Variants in CHODL observed in about 807,000 individuals in gnomAD.
The protein encoded by CHODL is chondrolectin.
In CHODL, 29 loss-of-function variants were observed where a neutral mutation model predicts 34.5. The ratio of observed to expected loss-of-function variants is 0.84; its 90% CI spans 0.63 to 1.15. The LOEUF (loss-of-function observed/expected upper bound fraction) is 1.15. Among genes scored for constraint, CHODL ranks in the 50% most tolerant of loss-of-function variants. The pLI is 0.00. For synonymous variants in CHODL, 125 were observed against 116.1 expected (o/e 1.08, Z -0.49); for missense variants, 332 against 332.5 (o/e 1.00, Z 0.01).
At chr21:18,178,131 T>C (rs1601109985) in intron 2 of CHODL, among the ~76,000 whole-genome samples, 1 of 152,268 alleles carries the variant, frequency 6.6e-6, no homozygotes, top group East Asian at 1.9e-4. Context: ...ACTTTTACAA[T>C]ATAATTTTCT....
chr21:18,046,151 G>A (rs1208018934), intron 2 of CHODL, among the ~76,000 whole-genome samples: 7 of 151,936 alleles, frequency 4.6e-5, no homozygotes, highest in African/African-American at 1.7e-4. Flanking sequence ...GAAGGTGGAG[G>A]AGACCGAGAG....
rs76918894 is a variant in CHODL at position 18,148,109 on chromosome 21, A to G, written c.-44-108400A>G. On this transcript the variant is annotated intron_variant, in intron 2 of 6. Coordinates refer to the CHODL transcript ENST00000400127. ...TCACATCTATTATCACAGGATGATA[A>G]TAGCAATGATTTGTGTGAACTTCAA... 2.8e-3 allele frequency among the ~76,000 whole-genome samples: 422 copies of G among 152,330 alleles called. 4 individuals carry two copies. In the East Asian group the frequency reaches 0.048, roughly 17 times the overall value.
intron 2 of CHODL, among the ~76,000 whole-genome samples, chr21:18,220,607 C>A (rs2073873252): frequency 6.6e-6 from 1 of 151,808 alleles, no homozygotes; most frequent in South Asian, 2.1e-4. Context: ...GTCATGAATT[C>A]TCATAATTTT....
At chr21:18,146,134 A>ATT (rs574946951) in intron 2 of CHODL, among the ~76,000 whole-genome samples, 8,960 of 139,436 alleles carry the variant, frequency 0.064, 527 homozygotes, top group African/African-American at 0.16. Flanking sequence ...CGCCCGGTTA[A>ATT]TTTTTTTTTT....
At chr21:18,053,260 T>A (rs2064538799) in intron 2 of CHODL, among the ~76,000 whole-genome samples, 1 of 151,862 alleles carries the variant, frequency 6.6e-6, no homozygotes, top group Non-Finnish European at 1.5e-5. Flanking sequence ...ATTTGGCAAA[T>A]AAATATTTTT....
intron 2 of CHODL, among the ~76,000 whole-genome samples, chr21:18,033,942 A>G (rs1019399779): frequency 3.9e-5 from 6 of 151,966 alleles, no homozygotes; most frequent in Non-Finnish European, 7.4e-5. Context: ...AAAAGAAAAA[A>G]CCTTATAACA....
At chr21:18,162,142 G>T (rs1212980276) in intron 2 of CHODL, among the ~76,000 whole-genome samples, 1 of 152,150 alleles carries the variant, frequency 6.6e-6, no homozygotes, top group Non-Finnish European at 1.5e-5. Context: ...GCCATGAAAT[G>T]ATTTTGCCTG....
Position 18,260,293 on chromosome 21 carries a change from A to G in CHODL, c.634+7A>G, listed in dbSNP as rs1025972103. 1 of 1,544,524 alleles carries G rather than the reference A, an allele frequency of 6.5e-7. No individual in the cohort carries two copies. Among genetic ancestry groups the G allele is most frequent in the African/African-American group, 1.4e-5 (1 of 72,132 alleles). Reference sequence around the variant, plus strand: ...GTGGTTGTTACTGAAGCAGGTAATTACTTCATGTGTCTTTAACTTCATCAA... The same window carrying G: ...GTGGTTGTTACTGAAGCAGGTAATTGCTTCATGTGTCTTTAACTTCATCAA... On this transcript the variant is annotated splice_region_variant and intron_variant, in intron 4 of 5. Coordinates refer to ENST00000299295, the MANE Select transcript of CHODL (RefSeq NM_024944.3).
At chr21:18,095,129 A>C (rs1303881696) in intron 2 of CHODL, among the ~76,000 whole-genome samples, 1 of 152,012 alleles carries the variant, frequency 6.6e-6, no homozygotes, top group African/African-American at 2.4e-5. Context: ...GTCTCAAAAA[A>C]AAAAAAGAAG....
At chr21:17,923,703 C>T (rs182468103) in intron 1 of CHODL, among the ~76,000 whole-genome samples, 22 of 152,184 alleles carry the variant, frequency 1.4e-4, no homozygotes, top group Admixed American at 5.9e-4. Flanking sequence ...CCTCGTGATT[C>T]GCCCACCTCA....
intron 4 of CHODL, 123 bp downstream of exon 4, chr21:18,260,409 G>T: frequency 1.7e-6 from 1 of 582,816 alleles, no homozygotes. Context: ...ATGGTCCTAT[G>T]GACATTTACT....
intron 2 of CHODL, among the ~76,000 whole-genome samples, chr21:18,156,663 G>A (rs1369215370): frequency 6.6e-6 from 1 of 152,106 alleles, no homozygotes; most frequent in African/African-American, 2.4e-5. Flanking sequence ...ATTAAAATAT[G>A]TTTGCTTATG....
chr21:18,253,844 T>A (rs1002418980), intron 1 of CHODL, among the ~76,000 whole-genome samples: 11 of 152,174 alleles, frequency 7.2e-5, no homozygotes, highest in Non-Finnish European at 1.5e-4. Flanking sequence ...TCAGATTTTT[T>A]AGTGTGTTGC....
At chr21:18,018,051 C>T (rs1186618447) in intron 1 of CHODL, among the ~76,000 whole-genome samples, 1 of 152,184 alleles carries the variant, frequency 6.6e-6, no homozygotes. Flanking sequence ...GCTGATTTCT[C>T]CCTTTTGGAA....
intron 1 of CHODL, among the ~76,000 whole-genome samples, chr21:17,927,688 A>T (rs1290116483): frequency 6.6e-6 from 1 of 152,220 alleles, no homozygotes; most frequent in African/African-American, 2.4e-5. Flanking sequence ...TGTTTCTGCC[A>T]GAGGGAGGTA....
intron 2 of CHODL, among the ~76,000 whole-genome samples, chr21:18,067,255 A>G (rs2064743433): frequency 6.6e-6 from 1 of 152,208 alleles, no homozygotes; most frequent in Non-Finnish European, 1.5e-5. Context: ...GTATGTTGAA[A>G]TCCAAAAACC....
intron 1 of CHODL, among the ~76,000 whole-genome samples, chr21:18,247,022 A>T (rs2074149624): frequency 6.6e-6 from 1 of 152,162 alleles, no homozygotes; most frequent in African/African-American, 2.4e-5. Context: ...GAATAATTCA[A>T]TTGTCTTTGG....
At chr21:18,222,906 A>G (rs1020381043) in intron 2 of CHODL, among the ~76,000 whole-genome samples, 1 of 152,232 alleles carries the variant, frequency 6.6e-6, no homozygotes, top group East Asian at 1.9e-4. Flanking sequence ...TAAGACTACT[A>G]TAAACACAAG....
intron 2 of CHODL, among the ~76,000 whole-genome samples, chr21:18,229,934 A>G (rs2073963998): frequency 6.6e-6 from 1 of 152,140 alleles, no homozygotes; most frequent in African/African-American, 2.4e-5. Context: ...CAAAGCCAAT[A>G]CCATGAATTT....
Sources: allele counts gnomAD v4.1 joint callset (sites outside exome capture counted in the v4.1 genomes callset), GRCh38; gene constraint gnomAD v4.1.1; transcripts MANE v1.5; gene names NCBI Gene and HGNC (gene_info 2026-07-23, HGNC 2026-07-21).